CFAP299: variants seen among roughly 807,000 people sequenced by gnomAD.
CFAP299 encodes cilia and flagella associated protein 299.
A neutral mutation model predicts 27.0 loss-of-function variants in CFAP299; 21 were observed. The ratio of observed to expected loss-of-function variants is 0.78; its 90% CI spans 0.55 to 1.12. The LOEUF is 1.12. CFAP299 is among the 50% of genes most tolerant of loss of function. The pLI is 0.00. For missense variants in CFAP299, 310 were observed against 276.6 expected (o/e 1.12, Z -0.86); for synonymous variants, 104 against 98.1 (o/e 1.06, Z -0.36).
chr4:80,855,845 T>G (rs1731840900), intron 3 of CFAP299, among the ~76,000 whole-genome samples: 1 of 151,946 alleles, frequency 6.6e-6, no homozygotes, highest in African/African-American at 2.4e-5. Context: ...TTTGCTATTG[T>G]GAATAGTGCC....
chr4:80,902,586 TAC>T (rs3038572), intron 4 of CFAP299, among the ~76,000 whole-genome samples: 1,512 of 126,682 alleles, frequency 0.012, 26 homozygotes, highest in African/African-American at 0.036. Flanking sequence ...ATGTAATATA[TAC>T]ACACACACAC....
At chr4:80,526,543 T>A (rs937332508) in intron 2 of CFAP299, among the ~76,000 whole-genome samples, 1 of 152,118 alleles carries the variant, frequency 6.6e-6, no homozygotes, top group Admixed American at 6.6e-5. Flanking sequence ...CTTTTAAATA[T>A]ACTAATGATT....
At chr4:80,777,544 G>A (rs750489563) in intron 3 of CFAP299, among the ~76,000 whole-genome samples, 1 of 152,160 alleles carries the variant, frequency 6.6e-6, no homozygotes, top group African/African-American at 2.4e-5. Flanking sequence ...AAACACTGAT[G>A]TTCAAATCTT....
intron 3 of CFAP299, among the ~76,000 whole-genome samples, chr4:80,673,886 T>C (rs1484876855): frequency 6.7e-6 from 1 of 148,472 alleles, no homozygotes; most frequent in Non-Finnish European, 1.5e-5. Flanking sequence ...TAGATCTTCC[T>C]CCATCCCTTT....
At chr4:80,701,706 T>C (rs974181870) in intron 3 of CFAP299, among the ~76,000 whole-genome samples, 5 of 151,946 alleles carry the variant, frequency 3.3e-5, no homozygotes, top group African/African-American at 1.2e-4. Flanking sequence ...CTTGCACTTA[T>C]CTTTTTTCCT....
chr4:80,772,072 C>G (rs952716503), intron 3 of CFAP299, among the ~76,000 whole-genome samples: 12 of 152,258 alleles, frequency 7.9e-5, no homozygotes, highest in African/African-American at 2.9e-4. Flanking sequence ...ACAGCTCTGA[C>G]CTATTATTCC....
intron 4 of CFAP299, among the ~76,000 whole-genome samples, chr4:80,939,052 AT>A (rs1737063318): frequency 6.6e-6 from 1 of 152,162 alleles, no homozygotes; most frequent in Admixed American, 6.5e-5. Flanking sequence ...GGAGAGGGGA[AT>A]GTTCCCTTTG....
rs74547187 is a variant in CFAP299 at position 80,893,106 on chromosome 4, G to T, written c.476+22971G>T. 3.4e-3 allele frequency among the ~76,000 whole-genome samples: 519 copies of T among 150,884 alleles called. 2 individuals are homozygous for T. The highest frequency in any genetic ancestry group is 0.012 in the African/African-American group (506 of 41,122). ...CACTAACAACAAACTATCTAAAGAA[G>T]AAATTTAAGAAAAAGCCCAATTTAT... On this transcript the variant is annotated intron_variant, in intron 4 of 5. Coordinates refer to ENST00000358105, the MANE Select transcript of CFAP299 (RefSeq NM_152770.3).
At chr4:80,631,177 A>G (rs979856604) in intron 3 of CFAP299, among the ~76,000 whole-genome samples, 1 of 152,104 alleles carries the variant, frequency 6.6e-6, no homozygotes, top group African/African-American at 2.4e-5. Flanking sequence ...GAAAGTTGCC[A>G]TTATTCAGTA....
intron 3 of CFAP299, among the ~76,000 whole-genome samples, chr4:80,667,198 T>C (rs1324787098): frequency 6.6e-6 from 1 of 152,160 alleles, no homozygotes; most frequent in African/African-American, 2.4e-5. Context: ...CTCTTTTCAA[T>C]TTTATCTTTT....
At chr4:80,549,352 T>C (rs1734392943) in intron 2 of CFAP299, among the ~76,000 whole-genome samples, 2 of 152,156 alleles carry the variant, frequency 1.3e-5, no homozygotes, top group Admixed American at 1.3e-4. Context: ...AGATATATTA[T>C]AGATGGAAAC....
chr4:80,763,552 G>A (rs1019033538), intron 3 of CFAP299, among the ~76,000 whole-genome samples: 2 of 152,190 alleles, frequency 1.3e-5, no homozygotes, highest in African/African-American at 2.4e-5. Context: ...TAGATTCAAT[G>A]CTATTCTCAT....
At chr4:80,776,888 A>C (rs1350307481) in intron 3 of CFAP299, among the ~76,000 whole-genome samples, 4 of 151,148 alleles carry the variant, frequency 2.6e-5, no homozygotes, top group African/African-American at 4.9e-5. Flanking sequence ...AAAAAAAAAA[A>C]CCCTCTGGGA....
At chr4:80,935,156 T>C (rs188828273) in intron 4 of CFAP299, among the ~76,000 whole-genome samples, 2 of 152,228 alleles carry the variant, frequency 1.3e-5, no homozygotes, top group Admixed American at 1.3e-4. Context: ...TGGTGTTTGA[T>C]TTCCACAAAG....
intron 5 of CFAP299, among the ~76,000 whole-genome samples, chr4:80,950,253 A>ACCCCC (rs5859743): frequency 2.7e-5 from 4 of 145,738 alleles, no homozygotes; most frequent in East Asian, 2.1e-4. Context: ...TCTTCCCTCC[A>ACCCCC]CCCCCCCCCT....
At chr4:80,426,861 T>C (rs1727554914) in intron 2 of CFAP299, among the ~76,000 whole-genome samples, 1 of 152,248 alleles carries the variant, frequency 6.6e-6, no homozygotes, top group Non-Finnish European at 1.5e-5. Flanking sequence ...TTAATCCTTG[T>C]AGTTAATTCA....
At chr4:80,575,848 T>A (rs900207220) in intron 2 of CFAP299, among the ~76,000 whole-genome samples, 1 of 152,134 alleles carries the variant, frequency 6.6e-6, no homozygotes, top group Non-Finnish European at 1.5e-5. Flanking sequence ...GTCATTTGCT[T>A]CAAGATATTT....
intron 2 of CFAP299, among the ~76,000 whole-genome samples, chr4:80,415,823 T>C (rs1405556083): frequency 6.6e-6 from 1 of 152,204 alleles, no homozygotes; most frequent in African/African-American, 2.4e-5. Context: ...TAGAAGTTGC[T>C]CCTTAAATCT....
At chr4:80,672,229 A>T (rs1236163578) in intron 3 of CFAP299, among the ~76,000 whole-genome samples, 7 of 152,218 alleles carry the variant, frequency 4.6e-5, no homozygotes, top group Admixed American at 4.6e-4. Flanking sequence ...GTTGAATTTT[A>T]TCGAAGGTCT....
Sources: gnomAD v4.1 joint callset for allele counts (sites outside exome capture counted in the v4.1 genomes callset) on GRCh38, gnomAD v4.1.1 for gene constraint, MANE v1.5 for transcripts, NCBI Gene and HGNC (gene_info 2026-07-23, HGNC 2026-07-21) for gene names.